Variants in ATR observed in about 807,000 individuals in gnomAD.
ATR encodes serine/threonine-protein kinase ATR.
ATR carries 142 observed loss-of-function variants against 305.3 expected under a neutral mutation model. The ratio of observed to expected loss-of-function variants is 0.47; its 90% CI spans 0.41 to 0.53. The LOEUF is 0.53. ATR is among the 20% of genes least tolerant of loss of function. ATR has a pLI of 0.00. For synonymous variants in ATR, 1,050 were observed against 1,068.1 expected (o/e 0.98, Z 0.33); for missense variants, 2,135 against 3,133.1 (o/e 0.68, Z 7.60).
chr3:142,499,516 G>A lies in ATR; in HGVS notation c.5380+111C>T, dbSNP rs113045522. The A allele has an allele frequency of 2.5e-3, 2,239 of 911,728 alleles. 37 individuals carry two copies. In the African/African-American group the frequency reaches 0.031, roughly 13 times the overall value. 56.5% of individuals were successfully genotyped at this position (911,728 alleles called of 1,614,324 possible). A position where few individuals can be genotyped will look rare whatever the true frequency, so the allele number is the denominator to read the frequency against. Reference sequence around the variant, plus strand: ...TCACTGTGTTAGCCAGGATGGTCTCGATCTCCTGACCTCATGATCCGCCCG... The same window carrying A: ...TCACTGTGTTAGCCAGGATGGTCTCAATCTCCTGACCTCATGATCCGCCCG... On this transcript the variant is annotated intron_variant, in intron 31 of 46. Transcript: ENST00000350721.
chr3:142,492,037 T>C (rs2031310824), intron 35 of ATR, among the ~76,000 whole-genome samples: 1 of 152,212 alleles, frequency 6.6e-6, no homozygotes, highest in Admixed American at 6.5e-5. Flanking sequence ...ATTGTCAAGT[T>C]TTAGATTTTG....
chr3:142,549,396 C>A (rs1577677271), intron 15 of ATR, 83 bp downstream of exon 15: 3 of 965,320 alleles, frequency 3.1e-6, no homozygotes, highest in Non-Finnish European at 4.5e-6. Flanking sequence ...AATTTACTCA[C>A]CCTCTTTCCT....
intron 27 of ATR, among the ~76,000 whole-genome samples, chr3:142,511,361 T>A (rs543881346): frequency 1.3e-5 from 2 of 152,282 alleles, no homozygotes; most frequent in Middle Eastern, 3.4e-3. Flanking sequence ...GGAGATAATA[T>A]TAACCCCATT....
At chr3:142,518,320 C>A (rs996859715) in intron 24 of ATR, among the ~76,000 whole-genome samples, 4 of 152,166 alleles carry the variant, frequency 2.6e-5, no homozygotes, top group Admixed American at 1.3e-4. Flanking sequence ...GCCAGGAGAC[C>A]AGCCTGGCCA....
chr3:142,527,569 T>C (rs2033447494), intron 21 of ATR, among the ~76,000 whole-genome samples: 1 of 152,180 alleles, frequency 6.6e-6, no homozygotes. Flanking sequence ...ATATTTGACA[T>C]TTACCAATTT....
intron 30 of ATR, among the ~76,000 whole-genome samples, chr3:142,500,338 T>C (rs1430765516): frequency 6.6e-6 from 1 of 152,194 alleles, no homozygotes; most frequent in Non-Finnish European, 1.5e-5. Flanking sequence ...ACCAGTATGA[T>C]ATAGGCTAAT....
chr3:142,524,132 A>T lies in ATR; in HGVS notation c.4013T>A (p.Val1338Glu). 6.2e-7 allele frequency: 1 copy of T among 1,614,048 alleles called. No individual in the cohort carries two copies. The highest frequency in any genetic ancestry group is 1.3e-5 in the African/African-American group (1 of 75,042). ...VEPIISQLVTVLLKGCQDANS... is the reference protein window; with the variant it reads ...VEPIISQLVTELLKGCQDANS... ...TGCATCTTGGCAACCTTTCAAAAGCACTGTCACCAACTGTGAGATAATAGG... is the reference window on the plus strand; with the variant it reads ...TGCATCTTGGCAACCTTTCAAAAGCTCTGTCACCAACTGTGAGATAATAGG... Residue 1338 changes from valine (V) to glutamate (E), a missense_variant, in exon 22 of 47, where the codon GTG becomes GAG. Physicochemically the swap from Val to Glu is moderately radical, Grantham distance 121. This residue lies in a region of ATR where 530 missense variants were observed against 766.8 expected (regional missense o/e 0.69). Coordinates refer to ENST00000350721, the MANE Select transcript of ATR (RefSeq NM_001184.4).
At chr3:142,551,594 A>G (rs1469379032) in intron 13 of ATR, among the ~76,000 whole-genome samples, 1 of 152,222 alleles carries the variant, frequency 6.6e-6, no homozygotes, top group Non-Finnish European at 1.5e-5. Flanking sequence ...TATTTAATAA[A>G]TGGTGCTGGG....
At position 142,496,527 on chromosome 3, in the gene ATR, G is replaced by A. The variant is rs1283136719; in HGVS notation, c.5739-7C>T. 2.6e-6 allele frequency: 4 copies of A among 1,548,820 alleles called. No homozygotes were observed. Among genetic ancestry groups the A allele is most frequent in the South Asian group, 1.2e-5 (1 of 83,764 alleles). ...CATTTCATTGTAATCTGGTCTAAAGGAAGTAACAACACATTGGTGAGAGAG... is the reference window on the plus strand; with the variant it reads ...CATTTCATTGTAATCTGGTCTAAAGAAAGTAACAACACATTGGTGAGAGAG... On this transcript the variant is annotated splice_region_variant and splice_polypyrimidine_tract_variant and intron_variant, in intron 33 of 46. Coordinates refer to ENST00000350721, the MANE Select transcript of ATR (RefSeq NM_001184.4).
At chr3:142,505,688 A>G (rs1195250591) in intron 28 of ATR, among the ~76,000 whole-genome samples, 1 of 152,230 alleles carries the variant, frequency 6.6e-6, no homozygotes, top group African/African-American at 2.4e-5. Flanking sequence ...ATTGTTATTG[A>G]GATGACTTCA....
intron 37 of ATR, among the ~76,000 whole-genome samples, 166 bp from the exon 38 acceptor site, chr3:142,469,735 T>A (rs1052760544): frequency 1.3e-5 from 2 of 152,136 alleles, no homozygotes; most frequent in Non-Finnish European, 2.9e-5. Flanking sequence ...GTTGTCTCTG[T>A]CCAACCAGAA....
chr3:142,450,758 C>G, intron 46 of ATR: 1 of 1,508,772 alleles, frequency 6.6e-7, no homozygotes, highest in Non-Finnish European at 8.9e-7. Context: ...CTTCAGCACC[C>G]TAATATCATT....
chr3:142,470,009 GA>G (rs2071222953), intron 37 of ATR, 76 bp downstream of exon 37: 1 of 1,146,300 alleles, frequency 8.7e-7, no homozygotes, highest in South Asian at 1.3e-5. Flanking sequence ...TAGGAAATTA[GA>G]CTGTCCAGCC....
intron 18 of ATR, among the ~76,000 whole-genome samples, chr3:142,539,121 C>G (rs1559975978): frequency 6.6e-6 from 1 of 152,072 alleles, no homozygotes; most frequent in Non-Finnish European, 1.5e-5. Context: ...CACATGCACA[C>G]AGAAAATAAG....
At position 142,522,708 on chromosome 3, in the gene ATR, A is replaced by T; in HGVS notation, c.4266+20T>A. 1 of 1,561,674 alleles carries T rather than the reference A, an allele frequency of 6.4e-7. No individual in the cohort carries two copies. The highest frequency in any genetic ancestry group is 8.8e-7 in the Non-Finnish European group (1 of 1,132,636). The stretch of plus-strand genomic sequence containing the variant: ...TGAATTAAACAATTTAAAGCCAGTA[A>T]TGACTATATCCACTCTTACCTGAAT... On this transcript the variant is annotated intron_variant, in intron 23 of 46. Transcript: ENST00000350721.
chr3:142,550,536 A>G (rs1313045425), intron 13 of ATR, among the ~76,000 whole-genome samples: 1 of 152,204 alleles, frequency 6.6e-6, no homozygotes, highest in Non-Finnish European at 1.5e-5. Flanking sequence ...TTATACCACA[A>G]ATAAATTCAG....
chr3:142,551,418 G>A (rs542097520), intron 13 of ATR, among the ~76,000 whole-genome samples: 1 of 152,138 alleles, frequency 6.6e-6, no homozygotes, highest in Non-Finnish European at 1.5e-5. Flanking sequence ...CTGGACAACA[G>A]AGTGAAATTT....
chr3:142,561,450 A>T (rs1418918887), intron 4 of ATR, 29 bp from the exon 5 acceptor site: 2 of 1,573,926 alleles, frequency 1.3e-6, no homozygotes, highest in African/African-American at 2.7e-5. Context: ...ATTTCCAGAA[A>T]TATTCCTTAG....
chr3:142,524,434 T>C (rs1030832117), intron 21 of ATR, among the ~76,000 whole-genome samples: 1 of 152,184 alleles, frequency 6.6e-6, no homozygotes, highest in South Asian at 2.1e-4. Context: ...CATTAATCCA[T>C]TAAACAAGCA....
Sources: gnomAD v4.1 joint callset for allele counts (sites outside exome capture counted in the v4.1 genomes callset) on GRCh38, gnomAD v4.1.1 for gene constraint, gnomAD v4.1.1 regional missense constraint, MANE v1.5 for transcripts, NCBI Gene and HGNC (gene_info 2026-07-23, HGNC 2026-07-21) for gene names.